The following PCDH17 variants were observed in gnomAD, a reference collection of about 807,000 sequenced individuals.
PCDH17 encodes the protein protocadherin 17, also known as protocadherin-17.
In PCDH17, 21 loss-of-function variants were observed where a neutral mutation model predicts 67.7. The ratio of observed to expected loss-of-function variants is 0.31; its 90% CI spans 0.22 to 0.45. The LOEUF (loss-of-function observed/expected upper bound fraction) is 0.45, where lower values mean the gene tolerates loss of function less well. PCDH17 is among the 20% of genes least tolerant of loss of function. The probability of loss-of-function intolerance (pLI) is 1.00; values close to 1 mark genes in which losing one functional copy is unlikely to be tolerated. For missense variants in PCDH17, 1,471 were observed against 1,564.8 expected (o/e 0.94, Z 1.01); for synonymous variants, 701 against 656.7 (o/e 1.07, Z -1.03).
intron 3 of PCDH17, among the ~76,000 whole-genome samples, chr13:57,717,276 C>T (rs1379610201): frequency 6.6e-6 from 1 of 151,818 alleles, no homozygotes; most frequent in Non-Finnish European, 1.5e-5. Context: ...GATATTTGTG[C>T]CATAAATTCC....
At chr13:57,704,437 T>G (rs2138079957) in intron 3 of PCDH17, among the ~76,000 whole-genome samples, 1 of 152,150 alleles carries the variant, frequency 6.6e-6, no homozygotes, top group Admixed American at 6.5e-5. Context: ...ATAAACCATT[T>G]TTTAAATCTA....
At chr13:57,635,207 C>G in intron 1 of PCDH17, 96 bp downstream of exon 1, 2 of 1,233,722 alleles carry the variant, frequency 1.6e-6, no homozygotes, top group Non-Finnish European at 2.3e-6. Context: ...CTGCCAGCAG[C>G]AGTGAGGGGG....
intron 1 of PCDH17, among the ~76,000 whole-genome samples, chr13:57,638,400 A>G (rs903441188): frequency 6.6e-6 from 1 of 152,014 alleles, no homozygotes; most frequent in African/African-American, 2.4e-5. Flanking sequence ...GAGGCTGGGG[A>G]CTTCTCACTG....
rs904892867 is a variant in PCDH17 at position 57,727,595 on chromosome 13, C to G, written c.*2301C>G. The G allele has an allele frequency of 1.3e-5, 2 of 152,080 alleles. No homozygotes were observed. Among genetic ancestry groups the G allele is most frequent in the Non-Finnish European group, 2.9e-5 (2 of 67,994 alleles). The allele number at this position is 152,080 out of a possible 1,614,324, so 9.4% of individuals were successfully genotyped here. Reference sequence around the variant, plus strand: ...GTTCCTAGTAACAGCCTTTCCAAAGCTCTACTCTTGGTTTTTATTACTCAT... The same window carrying G: ...GTTCCTAGTAACAGCCTTTCCAAAGGTCTACTCTTGGTTTTTATTACTCAT... On this transcript the variant is annotated 3_prime_UTR_variant, in exon 4 of 4. Coordinates refer to ENST00000377918, the MANE Select transcript of PCDH17 (RefSeq NM_001040429.3).
At position 57,726,169 on chromosome 13, in the gene PCDH17, A is replaced by G. The variant is rs1327596880; in HGVS notation, c.*875A>G. The G allele has an allele frequency of 6.6e-6, 1 of 152,656 alleles. No individual in the cohort carries two copies. Among genetic ancestry groups the G allele is most frequent in the East Asian group, 1.9e-4 (1 of 5,192 alleles). The allele number at this position is 152,656 out of a possible 1,614,324, so 9.5% of individuals were successfully genotyped here. A position where few individuals can be genotyped will look rare whatever the true frequency, so the allele number is the denominator to read the frequency against. On this transcript the variant is annotated 3_prime_UTR_variant, in exon 4 of 4. Coordinates refer to ENST00000377918, the MANE Select transcript of PCDH17 (RefSeq NM_001040429.3). ...CATTGAGTGGTAAGATTCAGAGAAA[A>G]TTAACTTGATTAATATGTTTTATTC... is the stretch of plus-strand genomic sequence containing the variant.
chr13:57,681,147 G>A (rs2138047873), intron 3 of PCDH17, among the ~76,000 whole-genome samples: 1 of 151,820 alleles, frequency 6.6e-6, no homozygotes, highest in East Asian at 2.0e-4. Context: ...CGCTCATTTT[G>A]ATGCCTTTAG....
In PCDH17 at chr13:57,725,926, T is replaced by C. The variant is rs1157479168; in HGVS notation, c.*632T>C. 2.6e-5 allele frequency: 4 copies of C among 152,418 alleles called. No homozygotes were observed. Among genetic ancestry groups the C allele is most frequent in the African/African-American group, 4.8e-5 (2 of 41,412 alleles). The allele number at this position is 152,418 out of a possible 1,614,324, so 9.4% of individuals were successfully genotyped here. A position where few individuals can be genotyped will look rare whatever the true frequency, so the allele number is the denominator to read the frequency against. On this transcript the variant is annotated 3_prime_UTR_variant, in exon 4 of 4. Coordinates refer to ENST00000377918, the MANE Select transcript of PCDH17 (RefSeq NM_001040429.3). ...CGAAAACAAAAACAAAAAAAAAACC[T>C]TTGGTCATTTGTAAGACATCTCATG...
intron 1 of PCDH17, among the ~76,000 whole-genome samples, chr13:57,658,641 T>C (rs539045558): frequency 1.3e-5 from 2 of 152,310 alleles, no homozygotes; most frequent in Admixed American, 6.5e-5. Flanking sequence ...GAGCTAAATG[T>C]ACATCTGTGA....
intron 1 of PCDH17, among the ~76,000 whole-genome samples, chr13:57,644,080 C>A (rs896409416): frequency 6.6e-6 from 1 of 151,606 alleles, no homozygotes; most frequent in East Asian, 1.9e-4. Context: ...TCAATGCATA[C>A]CTTGAAAAAA....
At chr13:57,709,082 G>A (rs955397225) in intron 3 of PCDH17, among the ~76,000 whole-genome samples, 3 of 148,584 alleles carry the variant, frequency 2.0e-5, no homozygotes, top group African/African-American at 7.4e-5. Context: ...AAAAATAGAA[G>A]ATGTTACAGA....
chr13:57,697,921 TG>T (rs966588555), intron 3 of PCDH17, among the ~76,000 whole-genome samples: 1 of 151,550 alleles, frequency 6.6e-6, no homozygotes, highest in African/African-American at 2.4e-5. Context: ...AATTCTACTT[TG>T]GGTTTCTATC....
At chr13:57,676,062 A>G (rs1955388276) in intron 3 of PCDH17, among the ~76,000 whole-genome samples, 1 of 151,914 alleles carries the variant, frequency 6.6e-6, no homozygotes, top group East Asian at 1.9e-4. Context: ...AAAATGACTT[A>G]ATGTCTAACT....
At chr13:57,676,991 T>A (rs886342230) in intron 3 of PCDH17, among the ~76,000 whole-genome samples, 1 of 151,880 alleles carries the variant, frequency 6.6e-6, no homozygotes, top group Non-Finnish European at 1.5e-5. Flanking sequence ...TTGAAAAAAA[T>A]ATGTTTTGAA....
At chr13:57,646,555 A>C (rs1215826407) in intron 1 of PCDH17, among the ~76,000 whole-genome samples, 1 of 151,748 alleles carries the variant, frequency 6.6e-6, no homozygotes, top group East Asian at 1.9e-4. Flanking sequence ...ACAGAATAAA[A>C]GTTTTAGGCA....
chr13:57,719,572 C>T (rs1955856145), intron 3 of PCDH17, among the ~76,000 whole-genome samples: 1 of 151,996 alleles, frequency 6.6e-6, no homozygotes. Context: ...GTCTGAAACT[C>T]AGGGGAGGAA....
intron 1 of PCDH17, among the ~76,000 whole-genome samples, chr13:57,651,525 C>T (rs771627049): frequency 1.3e-5 from 2 of 151,584 alleles, no homozygotes; most frequent in Non-Finnish European, 2.9e-5. Flanking sequence ...TTTTTTAGAG[C>T]TGGGGTTCTG....
Position 57,725,544 on chromosome 13 carries a change from A to G in PCDH17, c.*250A>G. ...TTAATGATGCTTAAAGAGAAAAGAAAAAAAGAGAGAAGAAAAAGGAGAGAT... is the reference window on the plus strand; with the variant it reads ...TTAATGATGCTTAAAGAGAAAAGAAGAAAAGAGAGAAGAAAAAGGAGAGAT... On this transcript the variant is annotated 3_prime_UTR_variant, in exon 4 of 4. Coordinates refer to ENST00000377918, the MANE Select transcript of PCDH17 (RefSeq NM_001040429.3). The G allele has an allele frequency of 2.4e-6, 1 of 408,688 alleles. No individual in the cohort carries two copies. The highest frequency in any genetic ancestry group is 4.4e-6 in the Non-Finnish European group (1 of 229,852). The allele number at this position is 408,688 out of a possible 1,614,324, so 25.3% of individuals were successfully genotyped here.
chr13:57,717,603 T>G (rs1408240695), intron 3 of PCDH17, among the ~76,000 whole-genome samples: 1 of 151,960 alleles, frequency 6.6e-6, no homozygotes, highest in Non-Finnish European at 1.5e-5. Context: ...TATAGGACAG[T>G]GATTTCTGGT....
At chr13:57,665,940 T>C (rs1955247711) in intron 1 of PCDH17, among the ~76,000 whole-genome samples, 1 of 152,156 alleles carries the variant, frequency 6.6e-6, no homozygotes, top group African/African-American at 2.4e-5. Flanking sequence ...ATTATAGCAA[T>C]GAGTTCAACC....
Sources: allele counts gnomAD v4.1 joint callset (sites outside exome capture counted in the v4.1 genomes callset), GRCh38; gene constraint gnomAD v4.1.1; transcripts MANE v1.5; gene names NCBI Gene and HGNC (gene_info 2026-07-23, HGNC 2026-07-21).